Variants in FBRSL1 observed in about 807,000 individuals in gnomAD.
FBRSL1 encodes fibrosin like 1, also known as fibrosin-1-like protein.
A neutral mutation model predicts 89.6 loss-of-function variants in FBRSL1; 51 were observed. The ratio of observed to expected loss-of-function variants is 0.57; its 90% CI spans 0.45 to 0.72. The LOEUF (loss-of-function observed/expected upper bound fraction) is 0.72, where lower values mean the gene tolerates loss of function less well. Ranked by LOEUF, FBRSL1 falls within the 30% of genes least tolerant of loss-of-function variation. The pLI is 0.00. For missense variants in FBRSL1, 1,618 were observed against 1,451.8 expected (o/e 1.11, Z -1.86); for synonymous variants, 779 against 681.1 (o/e 1.14, Z -2.24).
chr12:132,561,545 G>A (rs2039127817), intron 5 of FBRSL1, among the ~76,000 whole-genome samples: 1 of 152,204 alleles, frequency 6.6e-6, no homozygotes, highest in Admixed American at 6.5e-5. Flanking sequence ...TCAAACTGCG[G>A]GCTAAGCTGG....
chr12:132,531,917 T>C lies in FBRSL1; in HGVS notation c.615+3929T>C, dbSNP rs117675746. On this transcript the variant is annotated intron_variant, in intron 4 of 18. Coordinates refer to ENST00000680143, the MANE Select transcript of FBRSL1 (RefSeq NM_001367871.1). ...CCAGCTATTGCTCATCCTCAGCAGC[T>C]TGTGCCCCAAGTGTGTGGTTTGGCC... Among the ~76,000 whole-genome samples the C allele has an allele frequency of 8.5e-5, 13 of 152,342 alleles. No homozygotes were observed. In the East Asian group the frequency reaches 2.5e-3, roughly 29 times the overall value.
chr12:132,542,219 G>A (rs779797964), intron 4 of FBRSL1, among the ~76,000 whole-genome samples: 12 of 152,350 alleles, frequency 7.9e-5, no homozygotes, highest in South Asian at 2.1e-4. Context: ...GATGCTCCTC[G>A]TATCCCCGGG....
intron 6 of FBRSL1, among the ~76,000 whole-genome samples, chr12:132,568,164 C>T (rs536203500): frequency 6.6e-6 from 1 of 152,352 alleles, no homozygotes; most frequent in African/African-American, 2.4e-5. Context: ...GCCTCCCTGG[C>T]GCTGGGATCC....
intron 5 of FBRSL1, among the ~76,000 whole-genome samples, chr12:132,556,655 C>CA (rs528922466): frequency 5.5e-5 from 6 of 108,982 alleles, no homozygotes; most frequent in African/African-American, 1.3e-4. Context: ...CTTCATGCTG[C>CA]CTCCAACCCC....
At chr12:132,508,998 C>T (rs1310929335) in intron 2 of FBRSL1, among the ~76,000 whole-genome samples, 1 of 152,170 alleles carries the variant, frequency 6.6e-6, no homozygotes, top group Non-Finnish European at 1.5e-5. Context: ...CGCTGGTGTG[C>T]GCCTTCCTTC....
chr12:132,583,083 G>A lies in FBRSL1; in HGVS notation c.2314G>A (p.Ala772Thr), dbSNP rs949783312. ...CCAGAGCGAGCTGGGCCGGTCCGGG[G>A]CCCCCGCGGAGCGCGAGGCCGAACC... ...RAQSELGRSG[A>T]PAEREAEPRV... Residue 772 changes from alanine (A) to threonine (T), a missense_variant, in exon 19 of 19, where the codon GCC becomes ACC. By Grantham distance (58) the Ala-to-Thr change is moderately conservative. Coordinates refer to ENST00000680143, the MANE Select transcript of FBRSL1 (RefSeq NM_001367871.1). 6.9e-7 allele frequency: 1 copy of A among 1,445,764 alleles called. No individual in the cohort carries two copies. The highest frequency in any genetic ancestry group is 9.1e-7 in the Non-Finnish European group (1 of 1,103,478). The allele number at this position is 1,445,764 out of a possible 1,614,324, so 89.6% of individuals were successfully genotyped here. A position where few individuals can be genotyped will look rare whatever the true frequency, so the allele number is the denominator to read the frequency against.
intron 4 of FBRSL1, among the ~76,000 whole-genome samples, chr12:132,545,147 TGA>T (rs1181128623): frequency 2.0e-5 from 3 of 152,204 alleles, no homozygotes; most frequent in Admixed American, 1.3e-4. Flanking sequence ...CTTTGGAGCC[TGA>T]GTCTTGGCCT....
Position 132,572,334 on chromosome 12 carries a change from C to T in FBRSL1, c.1424C>T (p.Ser475Phe). 1 of 1,551,152 alleles carries T rather than the reference C, an allele frequency of 6.4e-7. No homozygotes were observed. Among genetic ancestry groups the T allele is most frequent in the Non-Finnish European group, 8.7e-7 (1 of 1,146,730 alleles). The change falls in exon 10 of 19, where the codon TCC (serine) becomes TTC (phenylalanine). Residue 475 changes from serine to phenylalanine, a missense_variant. Coordinates refer to ENST00000680143, the MANE Select transcript of FBRSL1 (RefSeq NM_001367871.1). Reference sequence around the variant, plus strand: ...CTGGACAGCCCCTACTTCCGACATTCCAGCGTGAGTGTGAGTGTCCCCGAG... The same window carrying T: ...CTGGACAGCCCCTACTTCCGACATTTCAGCGTGAGTGTGAGTGTCCCCGAG... Reference protein sequence around the residue: ...PKLDSPYFRHSSVSFFPSFPP... With the variant: ...PKLDSPYFRHFSVSFFPSFPP...
intron 2 of FBRSL1, among the ~76,000 whole-genome samples, chr12:132,519,786 G>A (rs562568365): frequency 1.9e-4 from 29 of 151,824 alleles, no homozygotes; most frequent in African/African-American, 7.0e-4. Context: ...GCAAGTGCCT[G>A]TAATCCCAGC....
intron 5 of FBRSL1, among the ~76,000 whole-genome samples, chr12:132,555,517 C>G (rs113392578): frequency 6.6e-6 from 1 of 150,538 alleles, no homozygotes; most frequent in Non-Finnish European, 1.5e-5. Context: ...CGGTAGCCGC[C>G]CCACCCGAGC....
At chr12:132,490,987 C>G (rs1387247478) in intron 1 of FBRSL1, 126 bp downstream of exon 1, 18 of 752,868 alleles carry the variant, frequency 2.4e-5, no homozygotes, top group Non-Finnish European at 2.7e-5. Context: ...GAGGGAAGCC[C>G]CGGCCACTTG....
chr12:132,518,461 A>C (rs1593314927), intron 2 of FBRSL1, among the ~76,000 whole-genome samples: 1 of 146,476 alleles, frequency 6.8e-6, no homozygotes, highest in Non-Finnish European at 1.5e-5. Context: ...CCATCCATCC[A>C]CCCGTCTGTC....
chr12:132,525,859 G>A (rs543564356), intron 3 of FBRSL1, 36 bp downstream of exon 3: 1 of 1,506,924 alleles, frequency 6.6e-7, no homozygotes, highest in Admixed American at 2.0e-5. Flanking sequence ...GAGGCTCCGA[G>A]TCTGGGCCGC....
chr12:132,521,518 C>T (rs889592343), intron 2 of FBRSL1, among the ~76,000 whole-genome samples: 4 of 152,162 alleles, frequency 2.6e-5, no homozygotes, highest in African/African-American at 9.7e-5. Flanking sequence ...GAACAGCAGC[C>T]CAGGCAGCCC....
At chr12:132,561,115 T>A (rs2137628226) in intron 5 of FBRSL1, among the ~76,000 whole-genome samples, 1 of 152,274 alleles carries the variant, frequency 6.6e-6, no homozygotes, top group East Asian at 1.9e-4. Context: ...TGGCTGCACC[T>A]GGCCAGGTGT....
In FBRSL1 at chr12:132,531,686, G is replaced by C. The variant is rs988194045; in HGVS notation, c.615+3698G>C. ...TTGTGTGTTGTGCACGTGGCGTTGTGTGTTGTGCACGTGGCGTTGCGTGTT... is the reference window on the plus strand; with the variant it reads ...TTGTGTGTTGTGCACGTGGCGTTGTCTGTTGTGCACGTGGCGTTGCGTGTT... On this transcript the variant is annotated intron_variant, in intron 4 of 18. Transcript: ENST00000680143. Among the ~76,000 whole-genome samples, 5 of 152,196 alleles carry C rather than the reference G, an allele frequency of 3.3e-5. No individual in the cohort carries two copies. The East Asian group carries it at 9.6e-4, about 29-fold the overall frequency.
At chr12:132,503,866 A>G (rs369741847) in intron 1 of FBRSL1, among the ~76,000 whole-genome samples, 16 of 152,126 alleles carry the variant, frequency 1.1e-4, no homozygotes, top group South Asian at 2.1e-4. Context: ...TGAGCCAACA[A>G]GGTTCTGGGA....
intron 2 of FBRSL1, among the ~76,000 whole-genome samples, chr12:132,522,451 A>G (rs893280618): frequency 2.0e-5 from 3 of 152,178 alleles, no homozygotes; most frequent in Non-Finnish European, 2.9e-5. Flanking sequence ...CAGAACCCTC[A>G]GGGCCCCAGT....
Position 132,569,961 on chromosome 12 carries a change from C to G in FBRSL1, c.727C>G (p.Pro243Ala). 7.0e-7 allele frequency: 1 copy of G among 1,436,578 alleles called. No homozygotes were observed. The highest frequency in any genetic ancestry group is 9.1e-7 in the Non-Finnish European group (1 of 1,104,046). 89.0% of individuals were successfully genotyped at this position (1,436,578 alleles called of 1,614,324 possible). A position where few individuals can be genotyped will look rare whatever the true frequency, so the allele number is the denominator to read the frequency against. Reference sequence around the variant, plus strand: ...TGAGAAGTCGGAGGCCAAGGCCGGGCCGGTGCCCAAGGTGTCAGGCCTGGA... The same window carrying G: ...TGAGAAGTCGGAGGCCAAGGCCGGGGCGGTGCCCAAGGTGTCAGGCCTGGA... Reference protein sequence around the residue: ...ALEKSEAKAGPVPKVSGLERS... With the variant: ...ALEKSEAKAGAVPKVSGLERS... Residue 243 changes from proline (P) to alanine (A), a missense_variant, in exon 7 of 19, where the codon CCG (proline) becomes GCG (alanine). By Grantham distance (27) the Pro-to-Ala change is conservative. Transcript: ENST00000680143.
Sources: gnomAD v4.1 joint callset for allele counts (sites outside exome capture counted in the v4.1 genomes callset) on GRCh38, gnomAD v4.1.1 for gene constraint, MANE v1.5 for transcripts, NCBI Gene and HGNC (gene_info 2026-07-23, HGNC 2026-07-21) for gene names.